Variants in CNTN1 observed in about 807,000 individuals in gnomAD.
CNTN1 encodes the protein contactin 1, also known as contactin-1.
In CNTN1, 38 loss-of-function variants were observed where a neutral mutation model predicts 126.4. The observed-to-expected ratio is 0.30, with a 90% CI of 0.23 to 0.39. CNTN1 has a LOEUF of 0.39. Among genes scored for constraint, CNTN1 ranks in the 10% least tolerant of loss-of-function variants. CNTN1 has a pLI of 1.00. For synonymous variants in CNTN1, 413 were observed against 422.6 expected, an observed-to-expected ratio of 0.98 and a Z score of 0.28; for missense variants, 1,009 against 1,248.4, an observed-to-expected ratio of 0.81 and a Z score of 2.89.
intron 15 of CNTN1, among the ~76,000 whole-genome samples, chr12:40,966,952 T>C (rs1345048): frequency 0.016 from 2,422 of 152,170 alleles, 56 homozygotes; most frequent in African/African-American, 0.055. Context: ...AATTAATTAC[T>C]CCCGGGTCTC....
At chr12:40,895,437 T>G (rs1944375992) in intron 1 of CNTN1, among the ~76,000 whole-genome samples, 1 of 152,160 alleles carries the variant, frequency 6.6e-6, no homozygotes, top group Non-Finnish European at 1.5e-5. Flanking sequence ...CCATATCTGG[T>G]GAGAGCCTCC....
chr12:40,709,163 A>C (rs1431933155), intron 1 of CNTN1, among the ~76,000 whole-genome samples: 3 of 152,256 alleles, frequency 2.0e-5, no homozygotes, highest in Non-Finnish European at 4.4e-5. Context: ...TCATGGCTGC[A>C]GAATGGATGT....
In CNTN1 at chr12:40,764,917, A is replaced by G. The variant is rs1455588483; in HGVS notation, c.-77+72325A>G. 3.3e-5 allele frequency among the ~76,000 whole-genome samples: 5 copies of G among 152,174 alleles called. No homozygotes were observed. In the South Asian group the frequency reaches 8.3e-4, roughly 25 times the overall value. ...TTTTCTAGTTATCTTTTGGTTTATG[A>G]TTTCAAATTAAATTTCCATTGAGAT... On this transcript the variant is annotated intron_variant, in intron 1 of 23. Coordinates refer to ENST00000551295, the MANE Select transcript of CNTN1 (RefSeq NM_001843.4).
chr12:40,888,461 G>T (rs4768317), intron 1 of CNTN1, among the ~76,000 whole-genome samples: 37,927 of 152,036 alleles, frequency 0.25, 5,001 homozygotes, highest in South Asian at 0.35. Context: ...TATTTTGAGT[G>T]TTCAAAAGTA....
chr12:40,805,226 A>G (rs1265635763), intron 1 of CNTN1, among the ~76,000 whole-genome samples: 1 of 151,946 alleles, frequency 6.6e-6, no homozygotes, highest in Non-Finnish European at 1.5e-5. Flanking sequence ...AACATTTTCA[A>G]TAACTATCAT....
intron 17 of CNTN1, among the ~76,000 whole-genome samples, chr12:41,001,381 G>T (rs567956515): frequency 2.0e-5 from 3 of 152,128 alleles, no homozygotes; most frequent in South Asian, 2.1e-4. Context: ...TCATATGATT[G>T]TTGGCCATAT....
intron 1 of CNTN1, among the ~76,000 whole-genome samples, chr12:40,800,288 A>G (rs1940597665): frequency 6.6e-6 from 1 of 151,946 alleles, no homozygotes; most frequent in Non-Finnish European, 1.5e-5. Flanking sequence ...GCCTTCTGCC[A>G]TGATTGTTAA....
At chr12:40,782,285 T>C (rs1939832971) in intron 1 of CNTN1, among the ~76,000 whole-genome samples, 1 of 151,832 alleles carries the variant, frequency 6.6e-6, no homozygotes. Context: ...ATATGAACCA[T>C]TAACAGGCTT....
intron 4 of CNTN1, among the ~76,000 whole-genome samples, chr12:40,919,052 G>A (rs1399830025): frequency 6.6e-6 from 1 of 151,950 alleles, no homozygotes; most frequent in African/African-American, 2.4e-5. Flanking sequence ...ATGTTTTTAG[G>A]CCCATGAATG....
chr12:41,047,835 T>C (rs553191146), intron 23 of CNTN1, among the ~76,000 whole-genome samples: 2 of 152,228 alleles, frequency 1.3e-5, no homozygotes, highest in African/African-American at 2.4e-5. Flanking sequence ...TTTTCATTAC[T>C]ATCTACATAA....
chr12:40,808,800 G>A (rs111683342), intron 1 of CNTN1, among the ~76,000 whole-genome samples: 5 of 152,058 alleles, frequency 3.3e-5, no homozygotes, highest in African/African-American at 1.2e-4. Context: ...CTCAAGTCAA[G>A]GTTAGCCAAT....
intron 15 of CNTN1, among the ~76,000 whole-genome samples, chr12:40,975,202 ATATATATATATATATATAT>A (rs1947640851): frequency 1.4e-5 from 2 of 140,594 alleles, no homozygotes; most frequent in Non-Finnish European, 3.1e-5. Flanking sequence ...ATATATATAT[ATATATATATATATATATAT>A]ATGTTTTAGT....
chr12:41,002,606 G>A (rs1948391547), intron 17 of CNTN1, among the ~76,000 whole-genome samples: 1 of 140,504 alleles, frequency 7.1e-6, no homozygotes, highest in Non-Finnish European at 1.5e-5. Context: ...TGCCCAGGCT[G>A]GAGTGCAGTG....
chr12:40,781,524 A>G (rs1565727198), intron 1 of CNTN1, among the ~76,000 whole-genome samples: 2 of 151,932 alleles, frequency 1.3e-5, no homozygotes, highest in Non-Finnish European at 2.9e-5. Context: ...TGTATTAGGA[A>G]CAAACTTAAA....
At chr12:40,775,907 T>C (rs893158404) in intron 1 of CNTN1, among the ~76,000 whole-genome samples, 8 of 151,652 alleles carry the variant, frequency 5.3e-5, no homozygotes, top group African/African-American at 1.7e-4. Context: ...GTGTAAGTAG[T>C]ATGTTGTCAC....
At chr12:40,976,894 AC>A (rs1252019522) in intron 15 of CNTN1, among the ~76,000 whole-genome samples, 1 of 152,052 alleles carries the variant, frequency 6.6e-6, no homozygotes, top group Non-Finnish European at 1.5e-5. Context: ...AATTTTCCTC[AC>A]CTACATCAAA....
At chr12:40,801,010 G>GTTTTTTTTTTTTTT (rs35813803) in intron 1 of CNTN1, among the ~76,000 whole-genome samples, 1 of 142,728 alleles carries the variant, frequency 7.0e-6, no homozygotes, top group Non-Finnish European at 1.5e-5. Context: ...TCAAACTAGA[G>GTTTTTTTTTTTTTT]TTTTGTTTTT....
At chr12:40,795,952 G>C (rs1484571469) in intron 1 of CNTN1, among the ~76,000 whole-genome samples, 1 of 152,174 alleles carries the variant, frequency 6.6e-6, no homozygotes, top group African/African-American at 2.4e-5. Context: ...TAATTTGACA[G>C]ATGAATTAAT....
chr12:40,960,053 A>C (rs577558009), intron 15 of CNTN1, among the ~76,000 whole-genome samples: 11 of 152,166 alleles, frequency 7.2e-5, no homozygotes, highest in Non-Finnish European at 1.5e-4. Flanking sequence ...ACCAAATCTT[A>C]TTCATCCTTC....
Sources: gnomAD v4.1 joint callset for allele counts (sites outside exome capture counted in the v4.1 genomes callset) on GRCh38, gnomAD v4.1.1 for gene constraint, MANE v1.5 for transcripts, NCBI Gene and HGNC (gene_info 2026-07-23, HGNC 2026-07-21) for gene names.